SAMSN1: variants seen among roughly 807,000 people sequenced by gnomAD.
SAMSN1 encodes the protein SAM domain, SH3 domain and nuclear localization signals 1.
SAMSN1 carries 31 observed loss-of-function variants against 42.0 expected under a neutral mutation model. The ratio of observed to expected loss-of-function variants is 0.74; its 90% CI spans 0.55 to 1.00. The LOEUF is 1.00. SAMSN1 is among the 50% of genes least tolerant of loss of function. SAMSN1 has a pLI of 0.00. For missense variants in SAMSN1, 464 were observed against 439.4 expected (o/e 1.06, Z -0.50); for synonymous variants, 178 against 151.9 (o/e 1.17, Z -1.26).
upstream of SAMSN1, among the ~76,000 whole-genome samples, chr21:14,548,398 T>C (rs1980497770): frequency 6.6e-6 from 1 of 152,142 alleles, no homozygotes; most frequent in African/African-American, 2.4e-5. Context: ...TCTCCAATGT[T>C]TCTATAATAC....
At chr21:14,510,199 GT>G (rs1987622171) in intron 5 of SAMSN1, 110 bp downstream of exon 5, 1 of 1,037,276 alleles carries the variant, frequency 9.6e-7, no homozygotes, top group Admixed American at 1.9e-5. Context: ...CACTTCTACT[GT>G]TGGGAAGAAC....
At chr21:14,520,617 G>A (rs1042435378) in intron 2 of SAMSN1, among the ~76,000 whole-genome samples, 15 of 152,098 alleles carry the variant, frequency 9.9e-5, no homozygotes, top group African/African-American at 1.7e-4. Context: ...GGTCCCTTGC[G>A]AAACCTCCCC....
intron 1 of SAMSN1, among the ~76,000 whole-genome samples, chr21:14,539,650 A>C (rs1173810192): frequency 1.3e-5 from 2 of 152,082 alleles, no homozygotes; most frequent in African/African-American, 4.8e-5. Flanking sequence ...AAGAAGATAC[A>C]AACAAATGGA....
chr21:14,494,961 T>A (rs1986854207), intron 7 of SAMSN1, among the ~76,000 whole-genome samples: 1 of 152,240 alleles, frequency 6.6e-6, no homozygotes, highest in Non-Finnish European at 1.5e-5. Flanking sequence ...TTTGCTCAAC[T>A]TTTATATTGC....
At chr21:14,597,376 GC>G (rs1982301505) in intron 6 of SAMSN1, among the ~76,000 whole-genome samples, 1 of 152,044 alleles carries the variant, frequency 6.6e-6, no homozygotes, top group African/African-American at 2.4e-5. Context: ...TCTGTACATA[GC>G]CAATGGGATG....
chr21:14,557,730 C>T (rs147168041), intron 2 of SAMSN1, among the ~76,000 whole-genome samples: 27 of 152,338 alleles, frequency 1.8e-4, no homozygotes, highest in African/African-American at 6.0e-4. Context: ...AAGGCTGGAA[C>T]GTCTCTGGTC....
chr21:14,527,760 T>TAAAAAAAAAAAAAAAAAA (rs71183427), intron 1 of SAMSN1, among the ~76,000 whole-genome samples: 1 of 107,878 alleles, frequency 9.3e-6, no homozygotes, highest in Non-Finnish European at 1.8e-5. Flanking sequence ...AAACTAGAAC[T>TAAAAAAAAAAAAAAAAAA]AAAAAAAAAA....
At chr21:14,572,539 C>T (rs1981333186) in intron 2 of SAMSN1, among the ~76,000 whole-genome samples, 1 of 152,204 alleles carries the variant, frequency 6.6e-6, no homozygotes, top group Non-Finnish European at 1.5e-5. Flanking sequence ...AGCATCAGCT[C>T]TGCCATCATG....
intron 2 of SAMSN1, among the ~76,000 whole-genome samples, chr21:14,562,111 G>A (rs1980965223): frequency 1.3e-5 from 2 of 152,238 alleles, no homozygotes; most frequent in African/African-American, 2.4e-5. Context: ...CTGAATGTAA[G>A]GTGAGCATGT....
intron 7 of SAMSN1, chr21:14,592,655 AG>A: frequency 2.5e-6 from 1 of 394,092 alleles, no homozygotes; most frequent in Non-Finnish European, 5.4e-6. Context: ...AAAAATATCA[AG>A]GAAAAAGTGA....
At chr21:14,516,370 C>T (rs552727067) in intron 3 of SAMSN1, among the ~76,000 whole-genome samples, 1 of 152,212 alleles carries the variant, frequency 6.6e-6, no homozygotes, top group East Asian at 1.9e-4. Context: ...TTCTTCGCAT[C>T]ACATTCTAGA....
chr21:14,629,380 A>C (rs1298100789), intron 2 of SAMSN1, among the ~76,000 whole-genome samples: 1 of 152,210 alleles, frequency 6.6e-6, no homozygotes, highest in Non-Finnish European at 1.5e-5. Context: ...CAATGAATTT[A>C]GATGACAGTC....
At chr21:14,631,141 A>C (rs78434136) in intron 2 of SAMSN1, among the ~76,000 whole-genome samples, 2 of 152,094 alleles carry the variant, frequency 1.3e-5, no homozygotes, top group South Asian at 4.2e-4. Context: ...TTTTAACTCT[A>C]TTTCTTCCTT....
chr21:14,554,943 T>C (rs1980711905), intron 2 of SAMSN1, among the ~76,000 whole-genome samples: 1 of 152,090 alleles, frequency 6.6e-6, no homozygotes, highest in Non-Finnish European at 1.5e-5. Flanking sequence ...GAAATTCTCC[T>C]GCTTGGCCTC....
chr21:14,507,082 A>G (rs1473159080), intron 5 of SAMSN1, among the ~76,000 whole-genome samples: 1 of 152,248 alleles, frequency 6.6e-6, no homozygotes, highest in Non-Finnish European at 1.5e-5. Flanking sequence ...CACAGTCAAC[A>G]TAATGCTGAA....
At chr21:14,636,991 A>G (rs1424160370) in intron 2 of SAMSN1, among the ~76,000 whole-genome samples, 1 of 152,182 alleles carries the variant, frequency 6.6e-6, no homozygotes, top group Non-Finnish European at 1.5e-5. Flanking sequence ...TTTAACATCT[A>G]TACTTCCCTA....
At chr21:14,497,102 T>C (rs1231424558) in intron 7 of SAMSN1, among the ~76,000 whole-genome samples, 2 of 152,098 alleles carry the variant, frequency 1.3e-5, no homozygotes, top group Non-Finnish European at 2.9e-5. Flanking sequence ...TACATTGGGT[T>C]GGAATCCTAA....
At chr21:14,601,519 T>C (rs1377618831) in intron 6 of SAMSN1, among the ~76,000 whole-genome samples, 3 of 152,234 alleles carry the variant, frequency 2.0e-5, no homozygotes, top group Non-Finnish European at 4.4e-5. Context: ...GATGCCTGAA[T>C]TGGCCTTGTT....
At chr21:14,593,511 A>G (rs1289582997) in intron 7 of SAMSN1, among the ~76,000 whole-genome samples, 1 of 152,146 alleles carries the variant, frequency 6.6e-6, no homozygotes, top group Non-Finnish European at 1.5e-5. Flanking sequence ...TTTTAATATC[A>G]TAAGGGAGAG....
Sources: allele counts gnomAD v4.1 joint callset (sites outside exome capture counted in the v4.1 genomes callset), GRCh38; gene constraint gnomAD v4.1.1; transcripts MANE v1.5; gene names NCBI Gene and HGNC (gene_info 2026-07-23, HGNC 2026-07-21).